The following MACC1 variants were observed in gnomAD, a reference collection of about 807,000 sequenced individuals.
MACC1 encodes the protein metastasis-associated in colon cancer protein 1.
Under a neutral mutation model 70.7 loss-of-function variants are expected in MACC1, and 79 were observed. The observed-to-expected ratio is 1.12, with a 90% confidence interval of 0.93 to 1.35. The LOEUF is 1.35. MACC1 is among the 40% of genes most tolerant of loss of function. MACC1 has a pLI of 0.00. For synonymous variants in MACC1, 361 were observed against 347.2 expected, an observed-to-expected ratio of 1.04 and a Z score of -0.44; for missense variants, 1,106 against 978.1, an observed-to-expected ratio of 1.13 and a Z score of -1.74.
intron 1 of MACC1, among the ~76,000 whole-genome samples, chr7:20,213,037 G>T (rs1307972916): frequency 1.3e-5 from 2 of 152,102 alleles, no homozygotes; most frequent in Non-Finnish European, 2.9e-5. Context: ...CTTCCACCTT[G>T]GTCGACTTGA....
rs144991875 is a variant in MACC1 at position 20,154,365 on chromosome 7, T to G, written c.2174A>C (p.Asp725Ala). 8.6e-5 allele frequency: 138 copies of G among 1,613,204 alleles called. No individual in the cohort carries two copies. Among genetic ancestry groups the G allele is most frequent in the Non-Finnish European group, 1.1e-4 (135 of 1,179,582 alleles). Residue 725 changes from aspartate (D) to alanine (A), a missense_variant, in exon 6 of 7, where the codon GAT (aspartate) becomes GCT (alanine). By Grantham distance (126) the Asp-to-Ala change is moderately radical. Coordinates refer to ENST00000400331, the MANE Select transcript of MACC1 (RefSeq NM_182762.4). ...YELIVALLKM[D>A]CQELVARLIQ... ...GAGACGTGCGACTAACTCTTGGCAA[T>G]CCATTTTCAGAAGAGCCTGCAGCAA... is the stretch of plus-strand genomic sequence containing the variant.
intron 5 of MACC1, among the ~76,000 whole-genome samples, chr7:20,157,880 C>G (rs11974137): frequency 6.6e-6 from 1 of 151,844 alleles, no homozygotes; most frequent in Non-Finnish European, 1.5e-5. Context: ...TGTTATGGAG[C>G]CTCTCTGGTA....
At chr7:20,203,457 C>T (rs1411300548) in intron 1 of MACC1, among the ~76,000 whole-genome samples, 1 of 152,142 alleles carries the variant, frequency 6.6e-6, no homozygotes, top group African/African-American at 2.4e-5. Context: ...TTTGGAAGAT[C>T]CTGAGAAGCT....
At chr7:20,211,722 G>A (rs1313069158) in intron 1 of MACC1, among the ~76,000 whole-genome samples, 4 of 152,186 alleles carry the variant, frequency 2.6e-5, no homozygotes, top group African/African-American at 9.7e-5. Context: ...TCATAAAGTT[G>A]AAGGTACACA....
Position 20,141,130 on chromosome 7 carries a change from A to G in MACC1, c.2375T>C (p.Leu792Pro). Residue 792 changes from leucine to proline, a missense_variant, in exon 7 of 7, where the codon CTG (leucine) becomes CCG (proline). Physicochemically the swap from Leu to Pro is moderately conservative, Grantham distance 98. Coordinates refer to ENST00000400331, the MANE Select transcript of MACC1 (RefSeq NM_182762.4). ...EMMWKPAYDF[L>P]YTWSAHYGNN... ...TCCATAGTGAGCACTCCAGGTATAC[A>G]GAAAATCATAGGCAGGTTTCCACAT... 6.2e-7 allele frequency: 1 copy of G among 1,605,780 alleles called. No individual in the cohort carries two copies. Among genetic ancestry groups the G allele is most frequent in the Non-Finnish European group, 8.5e-7 (1 of 1,177,226 alleles).
chr7:20,196,398 T>C (rs1254737659), intron 1 of MACC1, among the ~76,000 whole-genome samples: 2 of 152,080 alleles, frequency 1.3e-5, no homozygotes, highest in Non-Finnish European at 2.9e-5. Context: ...GCCAGGATGG[T>C]CTCAATCTCC....
At chr7:20,147,689 A>C (rs1200798148) in intron 6 of MACC1, among the ~76,000 whole-genome samples, 1 of 152,224 alleles carries the variant, frequency 6.6e-6, no homozygotes, top group Non-Finnish European at 1.5e-5. Flanking sequence ...TGCTTGGTTA[A>C]AACTTGACAC....
chr7:20,203,893 A>C (rs1291347994), intron 1 of MACC1, among the ~76,000 whole-genome samples: 2 of 152,224 alleles, frequency 1.3e-5, no homozygotes, highest in African/African-American at 4.8e-5. Context: ...GGAAAATTAC[A>C]TAATCATAAT....
At chr7:20,198,280 A>G (rs1264039269) in intron 1 of MACC1, among the ~76,000 whole-genome samples, 1 of 152,248 alleles carries the variant, frequency 6.6e-6, no homozygotes, top group Non-Finnish European at 1.5e-5. Context: ...TGGGAAAACC[A>G]GGCACTAAAC....
intron 1 of MACC1, among the ~76,000 whole-genome samples, chr7:20,177,536 T>C (rs888992399): frequency 2.6e-5 from 4 of 152,112 alleles, no homozygotes; most frequent in Non-Finnish European, 5.9e-5. Flanking sequence ...TGTTTTTCTC[T>C]GGTGTTTCTC....
intron 1 of MACC1, among the ~76,000 whole-genome samples, chr7:20,177,551 T>A (rs868120930): frequency 4.7e-4 from 71 of 152,090 alleles, no homozygotes; most frequent in African/African-American, 1.7e-3. Context: ...TTTCTCTTTA[T>A]CCCTATAAGT....
At chr7:20,168,101 T>G (rs1378607058) in intron 2 of MACC1, among the ~76,000 whole-genome samples, 2 of 152,214 alleles carry the variant, frequency 1.3e-5, no homozygotes, top group Non-Finnish European at 2.9e-5. Context: ...TTGTCTTTTT[T>G]ATTTGAATTC....
intron 5 of MACC1, among the ~76,000 whole-genome samples, chr7:20,157,547 G>A (rs1782072389): frequency 6.6e-6 from 1 of 151,444 alleles, no homozygotes; most frequent in Admixed American, 6.6e-5. Context: ...ACTTTGGGAG[G>A]CAAAGGTGGG....
intron 1 of MACC1, among the ~76,000 whole-genome samples, chr7:20,188,524 A>G (rs1228277899): frequency 6.6e-6 from 1 of 152,192 alleles, no homozygotes; most frequent in Non-Finnish European, 1.5e-5. Flanking sequence ...TTTAAAGAAA[A>G]GTCAAACAAA....
At chr7:20,189,617 A>G (rs1158378867) in intron 1 of MACC1, among the ~76,000 whole-genome samples, 1 of 152,200 alleles carries the variant, frequency 6.6e-6, no homozygotes, top group Non-Finnish European at 1.5e-5. Flanking sequence ...AACAGTGTGA[A>G]AGCTCTGGAA....
At chr7:20,214,228 C>A (rs1783037994) in intron 1 of MACC1, among the ~76,000 whole-genome samples, 1 of 152,138 alleles carries the variant, frequency 6.6e-6, no homozygotes, top group Non-Finnish European at 1.5e-5. Context: ...GAATAAATCC[C>A]TTTAAAGCTT....
chr7:20,201,802 T>G (rs183730911), intron 1 of MACC1, among the ~76,000 whole-genome samples: 51 of 152,330 alleles, frequency 3.3e-4, no homozygotes, highest in African/African-American at 1.2e-3. Context: ...GGTTTTGCAC[T>G]TAAGACCACC....
intron 1 of MACC1, among the ~76,000 whole-genome samples, chr7:20,187,261 T>A (rs557633641): frequency 6.6e-6 from 1 of 152,164 alleles, no homozygotes; most frequent in Non-Finnish European, 1.5e-5. Flanking sequence ...AGTAATAAAA[T>A]TGTAACTAGT....
In MACC1 at chr7:20,165,945, G is replaced by A. The variant is rs537538286; in HGVS notation, c.-152-1546C>T. ...AAACATTTACCAAATGTACAACTTA[G>A]CAAAAAAGTCAGAAGATATTTTTTG... On this transcript the variant is annotated intron_variant, in intron 2 of 6. Coordinates refer to ENST00000400331, the MANE Select transcript of MACC1 (RefSeq NM_182762.4). 4.9e-4 allele frequency among the ~76,000 whole-genome samples: 74 copies of A among 152,182 alleles called. No individual in the cohort carries two copies. In the South Asian group the frequency reaches 0.015, roughly 31 times the overall value.
Sources: gnomAD v4.1 joint callset for allele counts (sites outside exome capture counted in the v4.1 genomes callset) on GRCh38, gnomAD v4.1.1 for gene constraint, MANE v1.5 for transcripts, NCBI Gene and HGNC (gene_info 2026-07-23, HGNC 2026-07-21) for gene names.